The following WDHD1 variants were observed in gnomAD, a reference collection of about 807,000 sequenced individuals.
WDHD1 encodes WD repeat and HMG-box DNA-binding protein 1.
In WDHD1, 111 loss-of-function variants were observed where a neutral mutation model predicts 135.4. The ratio of observed to expected loss-of-function variants is 0.82; its 90% confidence interval spans 0.70 to 0.96. The LOEUF (loss-of-function observed/expected upper bound fraction) is 0.96, where lower values mean the gene tolerates loss of function less well. WDHD1 is among the 40% of genes least tolerant of loss of function. The pLI, the probability that WDHD1 is intolerant of heterozygous loss-of-function variation, is 0.00. For synonymous variants in WDHD1, 434 were observed against 439.0 expected (o/e 0.99, Z 0.14); for missense variants, 1,351 against 1,336.3 (o/e 1.01, Z -0.17).
At chr14:55,020,535 T>A (rs774431101) in intron 2 of WDHD1, among the ~76,000 whole-genome samples, 2 of 152,202 alleles carry the variant, frequency 1.3e-5, no homozygotes, top group Non-Finnish European at 2.9e-5. Context: ...TTGAACCTCT[T>A]TTCTTACCTA....
At chr14:54,987,727 C>T (rs982162244) in intron 13 of WDHD1, among the ~76,000 whole-genome samples, 1 of 152,158 alleles carries the variant, frequency 6.6e-6, no homozygotes, top group Non-Finnish European at 1.5e-5. Context: ...TCAAGCAATT[C>T]TCCTGTCTCT....
At chr14:54,995,522 A>T in intron 11 of WDHD1, 81 bp downstream of exon 11, 1 of 1,090,112 alleles carries the variant, frequency 9.2e-7, no homozygotes, top group Non-Finnish European at 1.2e-6. Flanking sequence ...CTACAAATTC[A>T]ATAATGACTT....
intron 15 of WDHD1, among the ~76,000 whole-genome samples, chr14:54,983,811 G>A (rs2041655977): frequency 6.6e-6 from 1 of 151,214 alleles, no homozygotes; most frequent in Admixed American, 6.6e-5. Flanking sequence ...GAGCCACCAT[G>A]CCCAGCCAAA....
Position 54,995,814 on chromosome 14 carries a change from C to T in WDHD1, c.943-1G>A, listed in dbSNP as rs1403009257. On this transcript the variant is annotated splice_acceptor_variant, in intron 10 of 25. Coordinates refer to ENST00000360586, the MANE Select transcript of WDHD1 (RefSeq NM_007086.4). LOFTEE classifies it high-confidence loss of function. ...AATCCTTTTCCACTCTGCTAGATACCTTGAACAAATTAATACAAATTATAA... is the reference window on the plus strand; with the variant it reads ...AATCCTTTTCCACTCTGCTAGATACTTTGAACAAATTAATACAAATTATAA... The T allele has an allele frequency of 1.3e-6, 2 of 1,541,438 alleles. No homozygotes were observed. The highest frequency in any genetic ancestry group is 4.1e-5 in the Admixed American group (2 of 48,364).
chr14:55,011,810 C>G (rs2042175866), intron 3 of WDHD1, among the ~76,000 whole-genome samples: 1 of 151,822 alleles, frequency 6.6e-6, no homozygotes, highest in Non-Finnish European at 1.5e-5. Context: ...ATAATGGCTG[C>G]ATAGTATTCC....
intron 16 of WDHD1, among the ~76,000 whole-genome samples, chr14:54,967,760 A>G (rs374634435): frequency 2.0e-5 from 3 of 152,126 alleles, no homozygotes; most frequent in African/African-American, 7.2e-5. Context: ...AGCTGGGACT[A>G]CAGATATATG....
At position 54,941,392 on chromosome 14, in the gene WDHD1, TAA is replaced by T; in HGVS notation, c.*96_*97del. The T allele has an allele frequency of 9.7e-7, 1 of 1,029,664 alleles. No individual in the cohort carries two copies. Among genetic ancestry groups the T allele is most frequent in the South Asian group, 2.0e-5 (1 of 50,176 alleles). The allele number at this position is 1,029,664 out of a possible 1,614,324, so 63.8% of individuals were successfully genotyped here. A position where few individuals can be genotyped will look rare whatever the true frequency, so the allele number is the denominator to read the frequency against. The stretch of plus-strand genomic sequence containing the variant: ...AGACAAACAGTTGCTTCAAACTCTT[TAA>T]AAAATATATATATAATGAGTTTCCC... On this transcript the variant is annotated 3_prime_UTR_variant, in exon 26 of 26. Transcript: ENST00000360586.
intron 3 of WDHD1, among the ~76,000 whole-genome samples, chr14:55,013,194 CAAAAAAAAAAA>C (rs71448422): frequency 2.4e-4 from 20 of 82,336 alleles, no homozygotes; most frequent in Admixed American, 8.6e-4. Context: ...GATCCCGTTT[CAAAAAAAAAAA>C]AAAAAAAAAA....
intron 11 of WDHD1, among the ~76,000 whole-genome samples, chr14:54,992,445 G>A (rs899887654): frequency 3.3e-5 from 5 of 152,184 alleles, no homozygotes; most frequent in East Asian, 1.9e-4. Flanking sequence ...AACCGAGATC[G>A]TGCCACTGCA....
At chr14:54,948,104 G>A (rs1360694256) in intron 24 of WDHD1, among the ~76,000 whole-genome samples, 1 of 151,924 alleles carries the variant, frequency 6.6e-6, no homozygotes, top group Non-Finnish European at 1.5e-5. Context: ...AAGAGCTTCA[G>A]CCTACAGCTC....
chr14:54,972,277 CAA>C (rs1201910146), intron 16 of WDHD1, among the ~76,000 whole-genome samples: 5 of 113,118 alleles, frequency 4.4e-5, no homozygotes, highest in Admixed American at 1.9e-4. Flanking sequence ...TCGGTCTCAC[CAA>C]AAAAAAAAAA....
At chr14:54,974,583 T>C (rs1380198742) in intron 16 of WDHD1, among the ~76,000 whole-genome samples, 1 of 151,848 alleles carries the variant, frequency 6.6e-6, no homozygotes, top group East Asian at 1.9e-4. Flanking sequence ...TCCCAGCACT[T>C]TGGGAGCCAA....
intron 12 of WDHD1, 31 bp downstream of exon 12, chr14:54,991,182 C>G: frequency 1.6e-6 from 2 of 1,277,606 alleles, no homozygotes; most frequent in Non-Finnish European, 2.2e-6. Flanking sequence ...TGAAAACCTA[C>G]TAAGAAGTTA....
At chr14:54,949,996 C>G (rs1036070805) in intron 24 of WDHD1, among the ~76,000 whole-genome samples, 1 of 152,026 alleles carries the variant, frequency 6.6e-6, no homozygotes, top group African/African-American at 2.4e-5. Flanking sequence ...GAAAGAAGCA[C>G]TAAACATGGA....
chr14:55,003,493 C>T (rs1198094752), intron 7 of WDHD1, among the ~76,000 whole-genome samples: 1 of 150,478 alleles, frequency 6.6e-6, no homozygotes, highest in African/African-American at 2.5e-5. Context: ...CCAGCCTGGG[C>T]AACAGAGTGA....
At chr14:54,948,684 A>G (rs1473468958) in intron 24 of WDHD1, among the ~76,000 whole-genome samples, 1 of 152,220 alleles carries the variant, frequency 6.6e-6, no homozygotes, top group Non-Finnish European at 1.5e-5. Context: ...GAGATCTGAG[A>G]ATGGACAGAC....
At chr14:54,977,260 G>A (rs1346434379) in intron 16 of WDHD1, among the ~76,000 whole-genome samples, 1 of 152,112 alleles carries the variant, frequency 6.6e-6, no homozygotes, top group Non-Finnish European at 1.5e-5. Context: ...TAGGGCTGCT[G>A]AGCTATTATA....
chr14:55,007,492 T>G, intron 6 of WDHD1, 117 bp from the exon 7 acceptor site: 1 of 659,652 alleles, frequency 1.5e-6, no homozygotes, highest in South Asian at 2.2e-5. Flanking sequence ...AAAATGCAAC[T>G]TAATGCACCT....
chr14:55,020,265 C>T (rs1185573754), intron 2 of WDHD1, among the ~76,000 whole-genome samples: 1 of 152,170 alleles, frequency 6.6e-6, no homozygotes, highest in East Asian at 1.9e-4. Flanking sequence ...ATCTTGAATC[C>T]ACTTCAAGGT....
Sources: gnomAD v4.1 joint callset for allele counts (sites outside exome capture counted in the v4.1 genomes callset) on GRCh38, gnomAD v4.1.1 for gene constraint, MANE v1.5 for transcripts, NCBI Gene and HGNC (gene_info 2026-07-23, HGNC 2026-07-21) for gene names.